Variants in BICC1 observed in about 807,000 individuals in gnomAD.
BICC1 encodes the protein BicC family RNA binding protein 1.
Under a neutral mutation model 111.0 loss-of-function variants are expected in BICC1, and 43 were observed. That is an observed-to-expected ratio of 0.39 (90% confidence interval 0.30 to 0.50). The LOEUF (loss-of-function observed/expected upper bound fraction) is 0.50, where lower values mean the gene tolerates loss of function less well. Ranked by LOEUF, BICC1 falls within the 20% of genes least tolerant of loss-of-function variation. The pLI is 0.88. For missense variants in BICC1, 1,091 were observed against 1,203.2 expected (o/e 0.91, Z 1.38); for synonymous variants, 467 against 434.4 (o/e 1.07, Z -0.93).
chr10:58,712,149 A>C (rs867995110), intron 3 of BICC1, among the ~76,000 whole-genome samples: 1 of 152,198 alleles, frequency 6.6e-6, no homozygotes, highest in Non-Finnish European at 1.5e-5. Flanking sequence ...AACCGTTAAG[A>C]TATCACTACC....
intron 7 of BICC1, 67 bp from the exon 8 acceptor site, chr10:58,789,615 T>A (rs1455705524): frequency 6.3e-7 from 1 of 1,575,394 alleles, no homozygotes; most frequent in Non-Finnish European, 8.7e-7. Context: ...AGAAATGCAA[T>A]AGAATCTTTC....
At chr10:58,658,025 G>GCGT (rs1838716554) in intron 2 of BICC1, among the ~76,000 whole-genome samples, 1 of 152,144 alleles carries the variant, frequency 6.6e-6, no homozygotes, top group Non-Finnish European at 1.5e-5. Flanking sequence ...TCCACTAGTG[G>GCGT]TAACTGTGAT....
At chr10:58,613,946 A>C (rs185250053) in intron 1 of BICC1, among the ~76,000 whole-genome samples, 25 of 152,304 alleles carry the variant, frequency 1.6e-4, no homozygotes, top group African/African-American at 6.0e-4. Context: ...GGGTCTGTAA[A>C]ATGAGCATTT....
intron 1 of BICC1, among the ~76,000 whole-genome samples, chr10:58,612,819 G>A (rs1845475227): frequency 6.6e-6 from 1 of 152,138 alleles, no homozygotes; most frequent in South Asian, 2.1e-4. Context: ...GCTCCATAAA[G>A]CATCAGATGT....
In BICC1 at chr10:58,554,016, TAGA is replaced by T. The variant is rs1258148832; in HGVS notation, c.190+40691_190+40693del. The stretch of plus-strand genomic sequence containing the variant: ...TTCAATTTATACTATTTGGATTCTG[TAGA>T]AGAAGAATTTTATTTAAAATAATGT... On this transcript the variant is annotated intron_variant, in intron 1 of 20. Transcript: ENST00000373886. Among the ~76,000 whole-genome samples the T allele has an allele frequency of 7.2e-5, 11 of 152,166 alleles. No individual in the cohort carries two copies. In the East Asian group the frequency reaches 9.6e-4, roughly 13 times the overall value.
At chr10:58,815,041 C>A (rs1351605921) in intron 18 of BICC1, among the ~76,000 whole-genome samples, 3 of 152,152 alleles carry the variant, frequency 2.0e-5, no homozygotes, top group Non-Finnish European at 4.4e-5. Context: ...CACCCATACT[C>A]CTGGGCTGTA....
At chr10:58,563,682 CT>C (rs760818920) in intron 1 of BICC1, among the ~76,000 whole-genome samples, 21 of 152,146 alleles carry the variant, frequency 1.4e-4, no homozygotes, top group Non-Finnish European at 2.6e-4. Flanking sequence ...ATGACATGTT[CT>C]TTGCTTTTGA....
intron 2 of BICC1, among the ~76,000 whole-genome samples, chr10:58,630,223 A>C (rs1411308825): frequency 6.6e-6 from 1 of 152,100 alleles, no homozygotes; most frequent in Non-Finnish European, 1.5e-5. Flanking sequence ...GGTAGCATGG[A>C]GTGAGGGAGA....
intron 3 of BICC1, among the ~76,000 whole-genome samples, chr10:58,721,286 C>T (rs1287783592): frequency 6.6e-6 from 1 of 152,180 alleles, no homozygotes; most frequent in African/African-American, 2.4e-5. Context: ...AACTTATGCT[C>T]CCTGGGATCA....
At position 58,828,908 on chromosome 10, in the gene BICC1, C is replaced by T. The variant is rs1355898479; in HGVS notation, c.*17C>T. On this transcript the variant is annotated 3_prime_UTR_variant, in exon 21 of 21. Transcript: ENST00000373886. ...CGCTGGTAGCAGCACCCTCTTGGCA[C>T]ATGCCCGCTGACTAACTGTAAAGTG... 6.2e-7 allele frequency: 1 copy of T among 1,613,288 alleles called. No individual in the cohort carries two copies. The highest frequency in any genetic ancestry group is 1.7e-5 in the Admixed American group (1 of 59,982).
At chr10:58,670,255 A>C (rs773369487) in intron 2 of BICC1, among the ~76,000 whole-genome samples, 3 of 152,176 alleles carry the variant, frequency 2.0e-5, no homozygotes, top group Non-Finnish European at 2.9e-5. Context: ...ATCAGCGTGC[A>C]TACCAATTAC....
intron 1 of BICC1, among the ~76,000 whole-genome samples, chr10:58,535,914 C>A (rs1842813979): frequency 6.7e-6 from 1 of 149,860 alleles, no homozygotes; most frequent in Non-Finnish European, 1.5e-5. Context: ...CAAAAGCAAG[C>A]AGGAGGAACT....
chr10:58,682,891 G>T (rs1839582467), intron 2 of BICC1, among the ~76,000 whole-genome samples: 1 of 152,192 alleles, frequency 6.6e-6, no homozygotes, highest in Non-Finnish European at 1.5e-5. Context: ...AGTTTAATTA[G>T]ATCCCATTTG....
chr10:58,622,927 A>G (rs950939212), intron 2 of BICC1, among the ~76,000 whole-genome samples: 4 of 152,212 alleles, frequency 2.6e-5, no homozygotes, highest in African/African-American at 9.6e-5. Context: ...TAATGCAAAT[A>G]TGAAGGATCT....
rs192714425 is a variant in BICC1 at position 58,536,596 on chromosome 10, C to T, written c.190+23263C>T. 2.0e-5 allele frequency among the ~76,000 whole-genome samples: 3 copies of T among 151,816 alleles called. No individual in the cohort carries two copies. The East Asian group carries it at 5.8e-4, about 29-fold the overall frequency. ...TAAGAGGCGTTTATAGCACTAAATA[C>T]CTACATCAAAAAATCTGCAAGGTTA... On this transcript the variant is annotated intron_variant, in intron 1 of 20. Coordinates refer to ENST00000373886, the MANE Select transcript of BICC1 (RefSeq NM_001080512.3).
intron 3 of BICC1, among the ~76,000 whole-genome samples, chr10:58,731,948 CA>C (rs1215329954): frequency 4.6e-5 from 7 of 152,188 alleles, no homozygotes; most frequent in Non-Finnish European, 1.5e-5. Context: ...CAAATCATAT[CA>C]AGGCTATTTC....
chr10:58,603,747 G>T (rs187262184), intron 1 of BICC1, among the ~76,000 whole-genome samples: 1 of 152,198 alleles, frequency 6.6e-6, no homozygotes, highest in African/African-American at 2.4e-5. Context: ...AATTCTACTT[G>T]CAGTGAAAAT....
At chr10:58,671,069 C>A (rs1564544157) in intron 2 of BICC1, among the ~76,000 whole-genome samples, 1 of 152,124 alleles carries the variant, frequency 6.6e-6, no homozygotes, top group Non-Finnish European at 1.5e-5. Flanking sequence ...TTTTGCATGA[C>A]CCTCGTCCTT....
chr10:58,715,791 T>C, intron 3 of BICC1: 5 of 1,404,506 alleles, frequency 3.6e-6, no homozygotes, highest in Non-Finnish European at 5.0e-6. Flanking sequence ...CAGGGAGAAA[T>C]TGTTAACTGC....
Sources: allele counts gnomAD v4.1 joint callset (sites outside exome capture counted in the v4.1 genomes callset), GRCh38; gene constraint gnomAD v4.1.1; transcripts MANE v1.5; gene names NCBI Gene and HGNC (gene_info 2026-07-23, HGNC 2026-07-21).